CACNA1C: variants seen among roughly 807,000 people sequenced by gnomAD.
CACNA1C encodes the protein voltage-dependent L-type calcium channel subunit alpha-1C.
CACNA1C carries 30 observed loss-of-function variants against 229.0 expected under a neutral mutation model. The observed-to-expected ratio is 0.13, with a 90% CI of 0.10 to 0.18. The LOEUF is 0.18. CACNA1C is among the 10% of genes least tolerant of loss of function. The pLI is 1.00. For missense variants in CACNA1C, 1,658 were observed against 2,845.0 expected (o/e 0.58, Z 9.49); for synonymous variants, 1,114 against 1,132.5 (o/e 0.98, Z 0.33).
Position 2,275,537 on chromosome 12 carries a change from G to T in CACNA1C, c.477+155107G>T, listed in dbSNP as rs1601765346. Among the ~76,000 whole-genome samples, 1 of 150,182 alleles carries T rather than the reference G, an allele frequency of 6.7e-6. No individual in the cohort carries two copies. The highest frequency in any genetic ancestry group is 2.0e-4 in the East Asian group (1 of 5,070). On this transcript the variant is annotated intron_variant, in intron 3 of 46. Transcript: ENST00000399655. The surrounding 1 kb of genome is among the most constrained non-coding windows in gnomAD (Gnocchi z 4.1). ...TCCCCCAGCTCGCAACCCCCACGCAGCCCCACCCTTGACCTGCCACCTCCA... is the reference window on the plus strand; with the variant it reads ...TCCCCCAGCTCGCAACCCCCACGCATCCCCACCCTTGACCTGCCACCTCCA...
At position 2,550,760 on chromosome 12, in the gene CACNA1C, C is replaced by T. The variant is rs77367745; in HGVS notation, c.1481+727C>T. 0.1 allele frequency: 99,922 copies of T among 993,344 alleles called. 5,317 individuals carry two copies. Among genetic ancestry groups the T allele is most frequent in the Middle Eastern group, 0.13 (310 of 2,432 alleles). The allele number at this position is 993,344 out of a possible 1,614,324, so 61.5% of individuals were successfully genotyped here. ...TGGAATGATGGAGAGCCTGGGCAAG[C>T]GCAGCCCTTTCACAACGCTGAGCTG... On this transcript the variant is annotated intron_variant, in intron 10 of 46. Transcript: ENST00000399655.
intron 29 of CACNA1C, among the ~76,000 whole-genome samples, chr12:2,623,890 G>A (rs778548332): frequency 6.6e-5 from 10 of 152,162 alleles, no homozygotes; most frequent in South Asian, 2.1e-4. Context: ...GTGGTCTGCC[G>A]GAAGAGAAAG....
chr12:2,682,141 G>A, intron 42 of CACNA1C: 1 of 784,902 alleles, frequency 1.3e-6, no homozygotes, highest in Middle Eastern at 2.4e-4. Flanking sequence ...GGACTTCTCA[G>A]CTATGCCAAA....
At chr12:2,175,439 C>T (rs892912478) in intron 3 of CACNA1C, among the ~76,000 whole-genome samples, 7 of 152,232 alleles carry the variant, frequency 4.6e-5, no homozygotes, top group Middle Eastern at 3.4e-3. Flanking sequence ...TTTATTCCTT[C>T]ATCCTCCATG....
intron 5 of CACNA1C, among the ~76,000 whole-genome samples, chr12:2,463,913 C>A (rs991986426): frequency 6.6e-6 from 1 of 152,160 alleles, no homozygotes; most frequent in Non-Finnish European, 1.5e-5. Flanking sequence ...AAAGACTAAG[C>A]CATATGGAGG....
rs545369323 is a variant in CACNA1C, at chr12:2,255,325, G to A, written c.477+134895G>A. ...AAAGCACCATTCCCCAGGTGTGGGA[G>A]TTCTCAGTACCTGTGTGGAGTTTGC... On this transcript the variant is annotated intron_variant, in intron 3 of 46. Transcript: ENST00000399655. Among the ~76,000 whole-genome samples the A allele has an allele frequency of 2.0e-5, 3 of 152,132 alleles. No individual in the cohort carries two copies. In the East Asian group the frequency reaches 5.8e-4, roughly 29 times the overall value.
At chr12:2,499,533 T>C (rs960399939) in intron 7 of CACNA1C, among the ~76,000 whole-genome samples, 9 of 152,066 alleles carry the variant, frequency 5.9e-5, no homozygotes, top group Non-Finnish European at 1.2e-4. Context: ...GACTTGAGGG[T>C]TTAAATCTGG....
At chr12:2,659,968 G>A in intron 34 of CACNA1C, 1 of 202,202 alleles carries the variant, frequency 4.9e-6, no homozygotes, top group Non-Finnish European at 1.1e-5. Context: ...CCAGCCAGTG[G>A]CTGCCAGAAA....
intron 5 of CACNA1C, among the ~76,000 whole-genome samples, chr12:2,478,748 A>G (rs1327754908): frequency 6.6e-6 from 1 of 152,190 alleles, no homozygotes; most frequent in Non-Finnish European, 1.5e-5. Context: ...ATTGGGATTC[A>G]TTGGAGTCAT....
At chr12:2,572,332 TCTCTTCTTCCTCCTCCTCCTC>T (rs2055191653) in intron 13 of CACNA1C, among the ~76,000 whole-genome samples, 2 of 32,486 alleles carry the variant, frequency 6.2e-5, no homozygotes, top group African/African-American at 2.2e-4. Context: ...TCCTCCTCCT[TCTCTTCTTCCTCCTCCTCCTC>T]CTCTCCTCCT....
At chr12:2,114,460 C>T (rs1283491479) in intron 1 of CACNA1C, among the ~76,000 whole-genome samples, 1 of 152,246 alleles carries the variant, frequency 6.6e-6, no homozygotes, top group African/African-American at 2.4e-5. Flanking sequence ...CAAAGGCTGA[C>T]CTCATTTCAA....
At chr12:2,436,011 G>T (rs1423080511) in intron 3 of CACNA1C, among the ~76,000 whole-genome samples, 1 of 152,210 alleles carries the variant, frequency 6.6e-6, no homozygotes, top group Non-Finnish European at 1.5e-5. Flanking sequence ...AGCTGGCCTG[G>T]CTGTGAGAGC....
At chr12:2,417,569 T>C (rs2098925567) in intron 3 of CACNA1C, among the ~76,000 whole-genome samples, 1 of 152,096 alleles carries the variant, frequency 6.6e-6, no homozygotes, top group Admixed American at 6.5e-5. Flanking sequence ...TGTGCTGCAG[T>C]CTGTTTGGTG....
rs1208088886 is a variant in CACNA1C, at chr12:2,181,836, ACT to A, written c.477+61409_477+61410del. Among the ~76,000 whole-genome samples the A allele has an allele frequency of 2.0e-5, 3 of 151,986 alleles. No homozygotes were observed. Among genetic ancestry groups the A allele is most frequent in the South Asian group, 2.1e-4 (1 of 4,802 alleles). ...AGGGTAAGTAATGGACTGCAAGGACACTCTGTCTCTGGCCCAGAGGAACAGCT... is the reference window on the plus strand; with the variant it reads ...AGGGTAAGTAATGGACTGCAAGGACACTGTCTCTGGCCCAGAGGAACAGCT... On this transcript the variant is annotated intron_variant, in intron 3 of 46. Transcript: ENST00000399655. The surrounding 1 kb of genome is among the most constrained non-coding windows in gnomAD (Gnocchi z 4.0).
At chr12:2,177,234 G>A (rs775709712) in intron 3 of CACNA1C, among the ~76,000 whole-genome samples, 5 of 152,116 alleles carry the variant, frequency 3.3e-5, no homozygotes, top group Non-Finnish European at 7.3e-5. Context: ...GAGAGGGGAC[G>A]ATACAAGCCG....
At chr12:2,381,292 C>G (rs1315293634) in intron 3 of CACNA1C, among the ~76,000 whole-genome samples, 3 of 152,144 alleles carry the variant, frequency 2.0e-5, no homozygotes, top group African/African-American at 2.4e-5. Flanking sequence ...CTCAGAGGTC[C>G]CTGAACCAAA....
At chr12:2,031,503 G>T (rs193215418) in intron 1 of CACNA1C, among the ~76,000 whole-genome samples, 11 of 152,148 alleles carry the variant, frequency 7.2e-5, no homozygotes, top group Admixed American at 7.2e-4. Context: ...CATGTCTTTT[G>T]TTTGAACAAA....
chr12:2,465,969 C>T (rs1005274844), intron 5 of CACNA1C, among the ~76,000 whole-genome samples: 3 of 152,118 alleles, frequency 2.0e-5, no homozygotes, highest in South Asian at 2.1e-4. Context: ...CTTACTGATA[C>T]GATGAATATT....
chr12:2,452,963 A>T (rs1409770607), intron 4 of CACNA1C, among the ~76,000 whole-genome samples: 1 of 152,132 alleles, frequency 6.6e-6, no homozygotes, highest in Non-Finnish European at 1.5e-5. Context: ...CCACTCCCCC[A>T]TCCTGGCAAC....
Sources: allele counts gnomAD v4.1 joint callset (sites outside exome capture counted in the v4.1 genomes callset), GRCh38; gene constraint gnomAD v4.1.1; non-coding constraint Gnocchi (gnomAD v3.1); transcripts MANE v1.5; gene names NCBI Gene and HGNC (gene_info 2026-07-23, HGNC 2026-07-21).